The following SND1 variants were observed in gnomAD, a reference collection of about 807,000 sequenced individuals.
SND1 encodes the protein staphylococcal nuclease and tudor domain containing 1.
SND1 carries 38 observed loss-of-function variants against 121.7 expected under a neutral mutation model. The observed-to-expected ratio is 0.31, with a 90% CI of 0.24 to 0.41. SND1 has a LOEUF of 0.41. Ranked by LOEUF, SND1 falls within the 10% of genes least tolerant of loss-of-function variation. The pLI is 1.00. For synonymous variants in SND1, 401 were observed against 447.4 expected, an observed-to-expected ratio of 0.90 and a Z score of 1.31; for missense variants, 868 against 1,184.6, an observed-to-expected ratio of 0.73 and a Z score of 3.92.
In SND1 at chr7:128,085,875, C is replaced by T; in HGVS notation, c.2304+95C>T. ...TCTCTCCAAGGTCCCTCTGAGCTTA[C>T]CAATAGAACAATGAGCATTGGGGCA... On this transcript the variant is annotated intron_variant, in intron 20 of 23. Coordinates refer to ENST00000354725, the MANE Select transcript of SND1 (RefSeq NM_014390.4). This position sits in a 1 kb window ranked among gnomAD's most constrained non-coding sequence, Gnocchi z 4.4. The T allele has an allele frequency of 9.3e-7, 1 of 1,078,740 alleles. No individual in the cohort carries two copies. Among genetic ancestry groups the T allele is most frequent in the East Asian group, 2.4e-5 (1 of 42,186 alleles). 66.8% of individuals were successfully genotyped at this position (1,078,740 alleles called of 1,614,324 possible). A position where few individuals can be genotyped will look rare whatever the true frequency, so the allele number is the denominator to read the frequency against.
chr7:127,844,487 T>C, intron 12 of SND1, 63 bp downstream of exon 12: 2 of 1,301,432 alleles, frequency 1.5e-6, no homozygotes, highest in Non-Finnish European at 2.2e-6. Context: ...TCTTTGCTCA[T>C]TTGAATCTTT....
chr7:127,904,875 C>A, intron 14 of SND1, 56 bp downstream of exon 14: 1 of 1,108,768 alleles, frequency 9.0e-7, no homozygotes, highest in Non-Finnish European at 1.4e-6. Flanking sequence ...AGCGTGTCTG[C>A]ATATTTGCTG....
At chr7:127,901,456 G>C (rs572136004) in intron 13 of SND1, among the ~76,000 whole-genome samples, 6 of 152,264 alleles carry the variant, frequency 3.9e-5, no homozygotes, top group Admixed American at 3.9e-4. Flanking sequence ...TCTGGAAATG[G>C]CTCACTCAGC....
intron 13 of SND1, among the ~76,000 whole-genome samples, chr7:127,898,479 C>T (rs1230443512): frequency 1.3e-5 from 2 of 152,104 alleles, no homozygotes; most frequent in African/African-American, 4.8e-5. Flanking sequence ...GTCGCTTCCT[C>T]CAGCTCCCAA....
intron 1 of SND1, among the ~76,000 whole-genome samples, chr7:127,683,532 A>G (rs879271487): frequency 2.6e-5 from 4 of 152,166 alleles, no homozygotes; most frequent in Non-Finnish European, 5.9e-5. Flanking sequence ...TGTGTTTTGA[A>G]TGATTTCAGT....
At chr7:128,083,380 T>C (rs983716992) in intron 18 of SND1, among the ~76,000 whole-genome samples, 1 of 152,218 alleles carries the variant, frequency 6.6e-6, no homozygotes, top group Non-Finnish European at 1.5e-5. Flanking sequence ...CAAGGAGCAC[T>C]GTCTAAAGAG....
At position 127,903,998 on chromosome 7, in the gene SND1, A is replaced by T. The variant is rs577033631; in HGVS notation, c.1455-749A>T. 3.9e-5 allele frequency among the ~76,000 whole-genome samples: 6 copies of T among 152,308 alleles called. No individual in the cohort carries two copies. In the East Asian group the frequency reaches 1.2e-3, roughly 29 times the overall value. ...GAAGGCCTTATCCAACAGTGTACAG[A>T]CCAAGTAATTCACCAGTCAGCTTTT... On this transcript the variant is annotated intron_variant, in intron 13 of 23. Coordinates refer to ENST00000354725, the MANE Select transcript of SND1 (RefSeq NM_014390.4).
chr7:127,786,293 T>C (rs531649132), intron 10 of SND1, among the ~76,000 whole-genome samples: 104 of 152,354 alleles, frequency 6.8e-4, no homozygotes, highest in African/African-American at 2.4e-3. Context: ...TTTAGGCTTA[T>C]GCATTGCCCT....
At chr7:128,068,009 G>A (rs1341146381) in intron 16 of SND1, among the ~76,000 whole-genome samples, 5 of 151,956 alleles carry the variant, frequency 3.3e-5, no homozygotes, top group African/African-American at 4.8e-5. Flanking sequence ...ACCTTCTCCC[G>A]CCTCACCCTC....
chr7:127,779,968 G>GT (rs1797689746), intron 10 of SND1, among the ~76,000 whole-genome samples: 1 of 152,132 alleles, frequency 6.6e-6, no homozygotes, highest in African/African-American at 2.4e-5. Flanking sequence ...TTATGGCGTT[G>GT]TTTTTCTAGT....
chr7:127,688,080 A>G (rs1795847529), intron 2 of SND1, among the ~76,000 whole-genome samples: 1 of 152,164 alleles, frequency 6.6e-6, no homozygotes, highest in Non-Finnish European at 1.5e-5. Flanking sequence ...ATTGTTTTAG[A>G]GAGGGAGTTT....
intron 12 of SND1, among the ~76,000 whole-genome samples, chr7:127,862,942 T>C (rs1799406289): frequency 6.6e-6 from 1 of 152,244 alleles, no homozygotes; most frequent in Admixed American, 6.5e-5. Context: ...TAAAAGATGC[T>C]TTCTTTGAGA....
At chr7:127,744,485 G>T (rs917602977) in intron 10 of SND1, among the ~76,000 whole-genome samples, 1 of 152,230 alleles carries the variant, frequency 6.6e-6, no homozygotes, top group Non-Finnish European at 1.5e-5. Context: ...GTGGGTGGAA[G>T]TAAATGCTGT....
At chr7:127,754,652 C>T (rs962002003) in intron 10 of SND1, among the ~76,000 whole-genome samples, 60 of 152,296 alleles carry the variant, frequency 3.9e-4, no homozygotes, top group African/African-American at 1.4e-3. Context: ...ATGGTCCTTC[C>T]CCAGGGAAGG....
At chr7:127,783,025 G>A (rs1346878455) in intron 10 of SND1, among the ~76,000 whole-genome samples, 1 of 152,130 alleles carries the variant, frequency 6.6e-6, no homozygotes, top group African/African-American at 2.4e-5. Flanking sequence ...AGGAGAATGG[G>A]GACTCATGGT....
intron 14 of SND1, among the ~76,000 whole-genome samples, chr7:127,909,690 C>T (rs1261911056): frequency 6.6e-6 from 1 of 152,122 alleles, no homozygotes; most frequent in Non-Finnish European, 1.5e-5. Context: ...CTTTGGCCTC[C>T]CAAAGTATTG....
chr7:127,831,475 G>T (rs925220594), intron 11 of SND1, among the ~76,000 whole-genome samples: 2 of 152,166 alleles, frequency 1.3e-5, no homozygotes, highest in African/African-American at 4.8e-5. Flanking sequence ...GTGGTGGCAG[G>T]ATCATTATCA....
Position 127,887,989 on chromosome 7 carries a change from T to G in SND1, c.1431T>G (p.Asp477Glu), listed in dbSNP as rs1484072108. ...ATGACCAGAGATCATCACACTACGA[T>G]GAACTGCTTGCTGCAGAGGCCAGGT... ...QDDDQRSSHY[D>E]ELLAAEARAI... Residue 477 changes from aspartate (D) to glutamate (E), a missense_variant, in exon 13 of 24, where the codon GAT becomes GAG. Around this residue, in one of 2 missense-constraint regions of SND1, gnomAD observed 743 missense variants for 1,071.3 expected, o/e 0.69. Coordinates refer to ENST00000354725, the MANE Select transcript of SND1 (RefSeq NM_014390.4). 1 of 1,611,986 alleles carries G rather than the reference T, an allele frequency of 6.2e-7. No homozygotes were observed. The highest frequency in any genetic ancestry group is 8.5e-7 in the Non-Finnish European group (1 of 1,178,694).
chr7:127,705,087 G>A (rs970254416), intron 8 of SND1, 142 bp downstream of exon 8: 1 of 672,780 alleles, frequency 1.5e-6, no homozygotes, highest in Non-Finnish European at 2.7e-6. Flanking sequence ...TTATAGAGGA[G>A]TGACTTAAAT....
Sources: allele counts gnomAD v4.1 joint callset (sites outside exome capture counted in the v4.1 genomes callset), GRCh38; gene constraint gnomAD v4.1.1; regional missense constraint gnomAD v4.1.1; non-coding constraint Gnocchi (gnomAD v3.1); transcripts MANE v1.5; gene names NCBI Gene and HGNC (gene_info 2026-07-23, HGNC 2026-07-21).